SCEL: variants seen among roughly 807,000 people sequenced by gnomAD.
SCEL encodes sciellin.
In SCEL, 113 loss-of-function variants were observed where a neutral mutation model predicts 117.6. The ratio of observed to expected loss-of-function variants is 0.96; its 90% CI spans 0.83 to 1.12. The LOEUF (loss-of-function observed/expected upper bound fraction) is 1.12. SCEL is among the 50% of genes most tolerant of loss of function. The probability of loss-of-function intolerance (pLI) is 0.00; values close to 1 mark genes in which losing one functional copy is unlikely to be tolerated. For synonymous variants in SCEL, 270 were observed against 256.2 expected, an observed-to-expected ratio of 1.05 and a Z score of -0.51; for missense variants, 785 against 810.8, an observed-to-expected ratio of 0.97 and a Z score of 0.39.
rs566237205 is a variant in SCEL at position 77,639,936 on chromosome 13, G to A, written c.1839-740G>A. Among the ~76,000 whole-genome samples, 3 of 152,176 alleles carry A rather than the reference G, an allele frequency of 2.0e-5. No homozygotes were observed. The East Asian group carries it at 5.8e-4, about 29-fold the overall frequency. ...GGATCCTTTCTTAAGGTTCTGGTGT[G>A]ACTCAAGATATTTTGGATTCTGCTG... On this transcript the variant is annotated intron_variant, in intron 30 of 32. Coordinates refer to ENST00000349847, the MANE Select transcript of SCEL (RefSeq NM_144777.3).
At chr13:77,603,481 T>C (rs928489448) in intron 18 of SCEL, among the ~76,000 whole-genome samples, 3 of 152,174 alleles carry the variant, frequency 2.0e-5, no homozygotes, top group African/African-American at 7.2e-5. Flanking sequence ...GAGCCATCAT[T>C]GGAGCTCTGG....
Position 77,593,559 on chromosome 13 carries a change from G to C in SCEL, c.738G>C (p.Gln246His). The change falls in exon 12 of 33, where the codon CAG becomes CAC. Residue 246 changes from glutamine (Q) to histidine (H), a missense_variant. By Grantham distance (24) the Gln-to-His change is conservative. Transcript: ENST00000349847. ...TCGTCAAAGTGGCCACTTCACTTCA[G>C]AGAAGTGACAAAGGGTGAGATCTCA... ...DNIVKVATSLQRSDKGEELDN... is the reference protein window; with the variant it reads ...DNIVKVATSLHRSDKGEELDN... 6.2e-7 allele frequency: 1 copy of C among 1,612,744 alleles called. No homozygotes were observed. The highest frequency in any genetic ancestry group is 8.5e-7 in the Non-Finnish European group (1 of 1,179,066).
At chr13:77,606,282 G>T (rs2088177401) in intron 19 of SCEL, among the ~76,000 whole-genome samples, 1 of 152,078 alleles carries the variant, frequency 6.6e-6, no homozygotes, top group South Asian at 2.1e-4. Context: ...TGTGTATATG[G>T]GTGCATATGT....
chr13:77,633,280 C>A (rs1381940399), intron 28 of SCEL, among the ~76,000 whole-genome samples: 4 of 148,142 alleles, frequency 2.7e-5, no homozygotes, highest in Non-Finnish European at 6.0e-5. Context: ...ACTAAAAATA[C>A]AAAAAATTAG....
At chr13:77,627,740 T>C (rs964351209) in intron 27 of SCEL, among the ~76,000 whole-genome samples, 2 of 152,140 alleles carry the variant, frequency 1.3e-5, no homozygotes, top group Non-Finnish European at 2.9e-5. Context: ...TCTTTATTTC[T>C]CTTTCACAAT....
At position 77,637,150 on chromosome 13, in the gene SCEL, T is replaced by A. The variant is rs747356385; in HGVS notation, c.1794T>A (p.Asn598Lys). Reference protein sequence around the residue: ...SKSPKDGYQENISGKYIQTVY... With the variant: ...SKSPKDGYQEKISGKYIQTVY... ...CACCCAAGGATGGATATCAGGAGAA[T>A]ATCTCTGGAAAATACATACAAACTG... The change falls in exon 30 of 33, where the codon AAT becomes AAA. Residue 598 changes from asparagine to lysine, a missense_variant. Coordinates refer to ENST00000349847, the MANE Select transcript of SCEL (RefSeq NM_144777.3). The A allele has an allele frequency of 1.9e-6, 3 of 1,558,698 alleles. No individual in the cohort carries two copies. In the African/African-American group the frequency reaches 4.2e-5, roughly 22 times the overall value.
Position 77,611,118 on chromosome 13 carries a change from G to A in SCEL, c.1337+1012G>A, listed in dbSNP as rs910614754. Among the ~76,000 whole-genome samples the A allele has an allele frequency of 3.9e-5, 6 of 152,176 alleles. No homozygotes were observed. The East Asian group carries it at 9.6e-4, about 24-fold the overall frequency. ...CTTATTTAGACTAGATCAGAGGTCA[G>A]CAACTTTTTCTTAATGGGCTAATAG... On this transcript the variant is annotated intron_variant, in intron 22 of 32. Transcript: ENST00000349847.
At chr13:77,588,467 C>G (rs1327047682) in intron 9 of SCEL, among the ~76,000 whole-genome samples, 1 of 152,090 alleles carries the variant, frequency 6.6e-6, no homozygotes, top group Admixed American at 6.6e-5. Context: ...TGGTGGGGAA[C>G]ACAGGGGAGT....
At chr13:77,591,372 A>G (rs1428190214) in intron 10 of SCEL, 23 bp from the exon 11 acceptor site, 11 of 1,427,256 alleles carry the variant, frequency 7.7e-6, no homozygotes, top group Middle Eastern at 3.9e-4. Context: ...GACTGATATA[A>G]TCTTCTAACT....
At chr13:77,637,289 CAT>C (rs1285566692) in intron 30 of SCEL, 95 bp downstream of exon 30, 5 of 215,586 alleles carry the variant, frequency 2.3e-5, no homozygotes, top group Admixed American at 6.3e-5. Context: ...GGCACACACA[CAT>C]ATATATAAAT....
chr13:77,593,442 A>G, intron 11 of SCEL, 72 bp from the exon 12 acceptor site: 2 of 1,148,210 alleles, frequency 1.7e-6, no homozygotes, highest in Non-Finnish European at 2.6e-6. Context: ...ACTGAAAACA[A>G]ATGAGAAATT....
intron 4 of SCEL, among the ~76,000 whole-genome samples, chr13:77,560,318 G>A (rs898713967): frequency 2.6e-5 from 4 of 151,260 alleles, no homozygotes; most frequent in Admixed American, 2.0e-4. Context: ...CGCACCTGTC[G>A]TCCCAGCTAC....
chr13:77,569,474 A>C (rs2085474405), intron 8 of SCEL, 23 bp downstream of exon 8: 1 of 1,565,678 alleles, frequency 6.4e-7, no homozygotes, highest in Middle Eastern at 1.7e-4. Flanking sequence ...CACTGTGTCT[A>C]CCTCTTGCTG....
intron 4 of SCEL, among the ~76,000 whole-genome samples, chr13:77,563,406 G>T (rs191271041): frequency 6.6e-6 from 1 of 152,162 alleles, no homozygotes; most frequent in East Asian, 1.9e-4. Context: ...CCATGGTGCT[G>T]GTTTATGGCA....
chr13:77,608,201 G>A, intron 20 of SCEL, 86 bp downstream of exon 20: 2 of 1,056,608 alleles, frequency 1.9e-6, no homozygotes, highest in Non-Finnish European at 2.8e-6. Flanking sequence ...AAAACCTTTG[G>A]ATTGGGATCA....
rs75268951 is a variant in SCEL at position 77,599,194 on chromosome 13, A to G, written c.798-135A>G. The stretch of plus-strand genomic sequence containing the variant: ...AAAATTTGAGTCTATGAATATACCT[A>G]TTTCAAGAATTGTAGCTCATCTTCC... On this transcript the variant is annotated intron_variant, in intron 13 of 32. Transcript: ENST00000349847. The G allele has an allele frequency of 2.2e-3, 1,368 of 636,156 alleles. 25 individuals are homozygous for G. The East Asian group carries it at 0.037, about 17-fold the overall frequency. 39.4% of individuals were successfully genotyped at this position (636,156 alleles called of 1,614,324 possible).
chr13:77,546,151 G>A (rs765137107), intron 1 of SCEL, among the ~76,000 whole-genome samples: 2 of 152,204 alleles, frequency 1.3e-5, no homozygotes, highest in Non-Finnish European at 2.9e-5. Context: ...TGGGGAGTGA[G>A]TTTTGAGGCT....
chr13:77,616,294 AG>A (rs1461765111), intron 24 of SCEL, among the ~76,000 whole-genome samples: 2 of 151,914 alleles, frequency 1.3e-5, no homozygotes, highest in Non-Finnish European at 2.9e-5. Context: ...TTTTTTTAAA[AG>A]TGTGGCTTTT....
Position 77,568,287 on chromosome 13 carries a change from C to T in SCEL, c.360-8C>T, listed in dbSNP as rs749788776. ...TGTTCAAACTTTGCTTTCTTTCTCTCTTACCAGGAGCATGTCCATGTTTAG... is the reference window on the plus strand; with the variant it reads ...TGTTCAAACTTTGCTTTCTTTCTCTTTTACCAGGAGCATGTCCATGTTTAG... On this transcript the variant is annotated splice_polypyrimidine_tract_variant and splice_region_variant and intron_variant, in intron 6 of 32. Coordinates refer to ENST00000349847, the MANE Select transcript of SCEL (RefSeq NM_144777.3). 4.5e-6 allele frequency: 7 copies of T among 1,552,588 alleles called. No individual in the cohort carries two copies. Among genetic ancestry groups the T allele is most frequent in the Non-Finnish European group, 6.2e-6 (7 of 1,131,420 alleles).
Sources: allele counts gnomAD v4.1 joint callset (sites outside exome capture counted in the v4.1 genomes callset), GRCh38; gene constraint gnomAD v4.1.1; transcripts MANE v1.5; gene names NCBI Gene and HGNC (gene_info 2026-07-23, HGNC 2026-07-21).